Variants in CCM2 observed in about 807,000 individuals in gnomAD.
The protein encoded by CCM2 is CCM2 scaffold protein, also known as cerebral cavernous malformations 2 protein.
A neutral mutation model predicts 44.9 loss-of-function variants in CCM2; 25 were observed. The ratio of observed to expected loss-of-function variants is 0.56; its 90% CI spans 0.41 to 0.78. The LOEUF (loss-of-function observed/expected upper bound fraction) is 0.78, where lower values mean the gene tolerates loss of function less well. Among genes scored for constraint, CCM2 ranks in the 30% least tolerant of loss-of-function variants. The probability of loss-of-function intolerance (pLI) is 0.00; values close to 1 mark genes in which losing one functional copy is unlikely to be tolerated. For synonymous variants in CCM2, 219 were observed against 241.1 expected (o/e 0.91, Z 0.85); for missense variants, 481 against 580.6 (o/e 0.83, Z 1.76).
chr7:45,005,192 G>A (rs1275445253), intron 1 of CCM2, among the ~76,000 whole-genome samples: 1 of 152,198 alleles, frequency 6.6e-6, no homozygotes, highest in Non-Finnish European at 1.5e-5. Context: ...GGCAGGAGGT[G>A]CTCAGCAGAG....
chr7:45,068,004 C>A, intron 4 of CCM2: 1 of 249,898 alleles, frequency 4.0e-6, no homozygotes, highest in Non-Finnish European at 8.0e-6. Context: ...ATGTTAGAAA[C>A]AAGGGCACTG....
At chr7:45,064,827 TG>T (rs1329005626) in intron 4 of CCM2, among the ~76,000 whole-genome samples, 181 bp downstream of exon 4, 2 of 152,126 alleles carry the variant, frequency 1.3e-5, no homozygotes, top group Non-Finnish European at 2.9e-5. Context: ...TACCAGACAC[TG>T]GGGGTGACTG....
chr7:45,052,002 G>C (rs1011171258), intron 2 of CCM2, among the ~76,000 whole-genome samples: 22 of 152,330 alleles, frequency 1.4e-4, no homozygotes, highest in Non-Finnish European at 2.6e-4. Flanking sequence ...TATTTTATAG[G>C]ACATTGAATT....
chr7:45,021,903 G>A (rs1796497486), intron 1 of CCM2, among the ~76,000 whole-genome samples: 1 of 152,216 alleles, frequency 6.6e-6, no homozygotes, highest in Non-Finnish European at 1.5e-5. Context: ...AATCAACCAT[G>A]TAGGTAGCAA....
intron 2 of CCM2, among the ~76,000 whole-genome samples, chr7:45,044,478 C>T (rs1255232775): frequency 1.3e-5 from 2 of 152,002 alleles, no homozygotes; most frequent in Admixed American, 6.6e-5. Context: ...CATCTATAGC[C>T]CACTTGCTTC....
intron 1 of CCM2, among the ~76,000 whole-genome samples, chr7:45,030,612 G>T (rs1003637840): frequency 8.6e-5 from 13 of 152,038 alleles, no homozygotes; most frequent in African/African-American, 2.9e-4. Context: ...GACAGGTCTC[G>T]CTATGTTGTC....
intron 2 of CCM2, among the ~76,000 whole-genome samples, chr7:45,048,015 C>CT (rs2128737116): frequency 6.6e-6 from 1 of 151,722 alleles, no homozygotes; most frequent in South Asian, 2.1e-4. Flanking sequence ...GAAAAATTAT[C>CT]TAAGTTGTAA....
chr7:45,015,014 T>G (rs749023055), intron 1 of CCM2, among the ~76,000 whole-genome samples: 6 of 152,208 alleles, frequency 3.9e-5, no homozygotes, highest in Non-Finnish European at 8.8e-5. Flanking sequence ...TGTCTTTCTT[T>G]AAACACTTTC....
intron 1 of CCM2, among the ~76,000 whole-genome samples, chr7:45,017,128 T>C (rs926782178): frequency 2.0e-5 from 3 of 152,220 alleles, no homozygotes; most frequent in African/African-American, 7.2e-5. Context: ...GTTTGTTATA[T>C]AGGTAAACAT....
intron 2 of CCM2, 30 bp from the exon 3 acceptor site, chr7:45,063,888 C>T (rs1444095232): frequency 3.3e-6 from 5 of 1,494,878 alleles, no homozygotes; most frequent in Admixed American, 3.3e-5. Context: ...TCCCATTTCT[C>T]ATGGCATTTT....
intron 1 of CCM2, among the ~76,000 whole-genome samples, chr7:45,013,702 G>A (rs1045975585): frequency 2.3e-4 from 35 of 152,276 alleles, no homozygotes; most frequent in African/African-American, 8.2e-4. Context: ...AGGATCATGT[G>A]TTGCATTTGG....
At chr7:45,019,624 C>T (rs1374483090) in intron 1 of CCM2, among the ~76,000 whole-genome samples, 2 of 152,018 alleles carry the variant, frequency 1.3e-5, no homozygotes, top group Non-Finnish European at 2.9e-5. Flanking sequence ...GCTCTGTTAC[C>T]CAGGTTAGAG....
chr7:45,009,967 T>A (rs1583840394), intron 1 of CCM2, among the ~76,000 whole-genome samples: 1 of 151,940 alleles, frequency 6.6e-6, no homozygotes, highest in Non-Finnish European at 1.5e-5. Flanking sequence ...TGGAGTGCCG[T>A]GGTGCAATCA....
At chr7:45,025,799 G>T (rs184292234) in intron 1 of CCM2, among the ~76,000 whole-genome samples, 1 of 152,196 alleles carries the variant, frequency 6.6e-6, no homozygotes, top group South Asian at 2.1e-4. Context: ...CTTCCAAAAC[G>T]CTGGGATTAC....
chr7:45,059,430 AAAG>A (rs1455683645), intron 2 of CCM2, among the ~76,000 whole-genome samples: 3 of 113,656 alleles, frequency 2.6e-5, no homozygotes, highest in Non-Finnish European at 6.6e-5. Flanking sequence ...AAAAAAAAAA[AAAG>A]AAAGAAAGAA....
At chr7:45,006,606 A>C (rs557687050) in intron 1 of CCM2, among the ~76,000 whole-genome samples, 3 of 152,312 alleles carry the variant, frequency 2.0e-5, no homozygotes, top group African/African-American at 7.2e-5. Context: ...GGCCTCCCAA[A>C]GTGCTGGGAT....
chr7:45,071,359 T>C (rs1799062807), intron 6 of CCM2: 1 of 159,210 alleles, frequency 6.3e-6, no homozygotes, highest in Admixed American at 6.2e-5. Flanking sequence ...TTTCATAAAG[T>C]AAACACATCA....
At chr7:45,002,218 A>G (rs1036483771) in intron 1 of CCM2, among the ~76,000 whole-genome samples, 7 of 152,252 alleles carry the variant, frequency 4.6e-5, no homozygotes, top group African/African-American at 1.7e-4. Context: ...AGAAGTGCTG[A>G]CAATAGTTTT....
At chr7:45,044,618 G>A (rs1415434752) in intron 2 of CCM2, among the ~76,000 whole-genome samples, 1 of 152,124 alleles carries the variant, frequency 6.6e-6, no homozygotes, top group African/African-American at 2.4e-5. Context: ...ATTTGACTGG[G>A]CTGTCTTTTT....
Sources: gnomAD v4.1 joint callset for allele counts (sites outside exome capture counted in the v4.1 genomes callset) on GRCh38, gnomAD v4.1.1 for gene constraint, MANE v1.5 for transcripts, NCBI Gene and HGNC (gene_info 2026-07-23, HGNC 2026-07-21) for gene names.